The following ZNF277 variants were observed in gnomAD, a reference collection of about 807,000 sequenced individuals.
The protein encoded by ZNF277 is zinc finger protein 277.
ZNF277 carries 55 observed loss-of-function variants against 60.7 expected under a neutral mutation model. The observed-to-expected ratio is 0.91, with a 90% CI of 0.73 to 1.13. ZNF277 has a LOEUF of 1.13. Ranked by LOEUF, ZNF277 falls within the 50% of genes most tolerant of loss-of-function variation. The pLI, the probability that ZNF277 is intolerant of heterozygous loss-of-function variation, is 0.00. For synonymous variants in ZNF277, 178 were observed against 179.3 expected (o/e 0.99, Z 0.06); for missense variants, 510 against 523.0 (o/e 0.98, Z 0.24).
chr7:112,211,838 G>A (rs531673870), intron 1 of ZNF277, among the ~76,000 whole-genome samples: 1 of 152,306 alleles, frequency 6.6e-6, no homozygotes, highest in Non-Finnish European at 1.5e-5. Flanking sequence ...AGTGGACAGT[G>A]AACTTCTTGA....
chr7:112,218,611 C>G (rs1563194293), intron 1 of ZNF277, among the ~76,000 whole-genome samples: 2 of 152,196 alleles, frequency 1.3e-5, no homozygotes, highest in African/African-American at 4.8e-5. Context: ...ACCAACATCT[C>G]TCCAATCTTC....
At position 112,318,199 on chromosome 7, in the gene ZNF277, ACAG is replaced by A; in HGVS notation, c.489_491del (p.Gln164del). On this transcript the variant is annotated inframe_deletion, in exon 5 of 12. Transcript: ENST00000361822. ...CTTTCCAGAGAGAAATTCTGGAACA[ACAG>A]CAGCAAGAACGAAATGATACCAATT... 1 of 1,613,112 alleles carries A rather than the reference ACAG, an allele frequency of 6.2e-7. No homozygotes were observed.
intron 5 of ZNF277, among the ~76,000 whole-genome samples, chr7:112,325,858 A>C (rs1793080900): frequency 6.6e-6 from 1 of 152,156 alleles, no homozygotes. Context: ...TGTTCCACCC[A>C]CATCCCTCCC....
intron 4 of ZNF277, among the ~76,000 whole-genome samples, chr7:112,300,230 C>A (rs1584391534): frequency 6.6e-6 from 1 of 152,090 alleles, no homozygotes; most frequent in Non-Finnish European, 1.5e-5. Context: ...TTGACATTTG[C>A]AAGATTTGTA....
At position 112,308,595 on chromosome 7, in the gene ZNF277, G is replaced by A. The variant is rs185748905; in HGVS notation, c.466-9587G>A. Among the ~76,000 whole-genome samples, 137 of 152,018 alleles carry A rather than the reference G, an allele frequency of 9.0e-4. 1 individual carries two copies. The highest frequency in any genetic ancestry group is 3.0e-3 in the African/African-American group (123 of 41,488). ...AGCCAATAGTTGGTGTTAGGAGGGC[G>A]GATGAGGATTAGTGGACTCTGGTCT... On this transcript the variant is annotated intron_variant, in intron 4 of 11. Transcript: ENST00000361822.
chr7:112,232,447 C>G (rs1822365118), intron 1 of ZNF277, among the ~76,000 whole-genome samples: 1 of 152,094 alleles, frequency 6.6e-6, no homozygotes, highest in African/African-American at 2.4e-5. Context: ...AATTTGAAAG[C>G]TAGATTACAA....
intron 6 of ZNF277, among the ~76,000 whole-genome samples, chr7:112,328,950 T>A (rs1793163555): frequency 6.6e-6 from 1 of 152,156 alleles, no homozygotes; most frequent in Admixed American, 6.6e-5. Context: ...AATTTTGATG[T>A]CACCACTATG....
At chr7:112,295,516 C>A (rs1464095811) in intron 2 of ZNF277, among the ~76,000 whole-genome samples, 1 of 152,002 alleles carries the variant, frequency 6.6e-6, no homozygotes, top group Non-Finnish European at 1.5e-5. Flanking sequence ...CCTATTTAAT[C>A]GTTATTGTAT....
chr7:112,247,110 G>C (rs1264453231), intron 1 of ZNF277, among the ~76,000 whole-genome samples: 1 of 152,184 alleles, frequency 6.6e-6, no homozygotes, highest in East Asian at 1.9e-4. Context: ...GTATAAGCCA[G>C]TGAGAATTCC....
chr7:112,296,948 G>A (rs1792366873), intron 4 of ZNF277, among the ~76,000 whole-genome samples: 2 of 12,182 alleles, frequency 1.6e-4, no homozygotes, highest in Admixed American at 7.3e-4. Context: ...TTTTTTTTGA[G>A]ATGGAGTCTC....
At chr7:112,286,774 G>T in intron 1 of ZNF277, 99 bp from the exon 2 acceptor site, 2 of 985,608 alleles carry the variant, frequency 2.0e-6, no homozygotes, top group Non-Finnish European at 1.5e-6. Flanking sequence ...AATATCTTTA[G>T]GATCTTTTTA....
chr7:112,319,653 T>TA (rs1792929598), intron 5 of ZNF277, among the ~76,000 whole-genome samples: 1 of 147,400 alleles, frequency 6.8e-6, no homozygotes, highest in South Asian at 2.1e-4. Flanking sequence ...ATTTATAAAT[T>TA]ATATAATATA....
intron 4 of ZNF277, among the ~76,000 whole-genome samples, chr7:112,316,025 A>G (rs1792836894): frequency 6.6e-6 from 1 of 152,152 alleles, no homozygotes; most frequent in Non-Finnish European, 1.5e-5. Flanking sequence ...CTGAGAAAAA[A>G]TTAAAAGTGA....
chr7:112,317,779 G>C (rs1792874281), intron 4 of ZNF277, among the ~76,000 whole-genome samples: 1 of 152,014 alleles, frequency 6.6e-6, no homozygotes, highest in Non-Finnish European at 1.5e-5. Flanking sequence ...GAATGGTAGA[G>C]AAAAGTTATA....
intron 1 of ZNF277, among the ~76,000 whole-genome samples, chr7:112,227,672 A>AT (rs1822211033): frequency 6.6e-6 from 1 of 152,172 alleles, no homozygotes; most frequent in Non-Finnish European, 1.5e-5. Context: ...TGTAAGTTAT[A>AT]TTTTGTAAAT....
At chr7:112,292,579 T>C (rs1377854675) in intron 2 of ZNF277, among the ~76,000 whole-genome samples, 1 of 152,184 alleles carries the variant, frequency 6.6e-6, no homozygotes, top group East Asian at 1.9e-4. Flanking sequence ...CTCTTTCCTG[T>C]CCCTGCCTTC....
chr7:112,310,454 T>TGAGAGAGAGA (rs377447375), intron 4 of ZNF277, among the ~76,000 whole-genome samples: 6 of 117,292 alleles, frequency 5.1e-5, no homozygotes, highest in African/African-American at 1.9e-4. Flanking sequence ...AGGTTAGGTT[T>TGAGAGAGAGA]GAGAGAGAGA....
At chr7:112,256,566 C>G (rs1791315724) in intron 1 of ZNF277, among the ~76,000 whole-genome samples, 1 of 151,788 alleles carries the variant, frequency 6.6e-6, no homozygotes, top group Admixed American at 6.6e-5. Context: ...TTGCCTCAAC[C>G]TAGCGAGTAG....
intron 7 of ZNF277, among the ~76,000 whole-genome samples, chr7:112,334,513 A>G (rs1793293325): frequency 6.7e-6 from 1 of 150,106 alleles, no homozygotes; most frequent in South Asian, 2.1e-4. Context: ...CAAATTGCTT[A>G]TTTCCTAATA....
Sources: allele counts gnomAD v4.1 joint callset (sites outside exome capture counted in the v4.1 genomes callset), GRCh38; gene constraint gnomAD v4.1.1; transcripts MANE v1.5; gene names NCBI Gene and HGNC (gene_info 2026-07-23, HGNC 2026-07-21).